Variants in AKAP9 observed in about 807,000 individuals in gnomAD.
The protein encoded by AKAP9 is A-kinase anchoring protein 9.
In AKAP9, 311 loss-of-function variants were observed where a neutral mutation model predicts 488.5. The ratio of observed to expected loss-of-function variants is 0.64; its 90% confidence interval spans 0.58 to 0.70. The LOEUF is 0.70. Among genes scored for constraint, AKAP9 ranks in the 30% least tolerant of loss-of-function variants. AKAP9 has a pLI of 0.00. For missense variants in AKAP9, 4,215 were observed against 4,374.5 expected, an observed-to-expected ratio of 0.96 and a Z score of 1.03; for synonymous variants, 1,462 against 1,483.5, an observed-to-expected ratio of 0.99 and a Z score of 0.33.
chr7:92,035,562 T>G (rs1311098165), intron 16 of AKAP9, among the ~76,000 whole-genome samples: 1 of 152,240 alleles, frequency 6.6e-6, no homozygotes, highest in African/African-American at 2.4e-5. Flanking sequence ...AATTGTATAT[T>G]AAATGTTTTG....
At position 92,097,104 on chromosome 7, in the gene AKAP9, A is replaced by C. The variant is rs147033628; in HGVS notation, c.10145A>C (p.Lys3382Thr). 24 of 1,614,140 alleles carry C rather than the reference A, an allele frequency of 1.5e-5. No homozygotes were observed. In the African/African-American group the frequency reaches 3.1e-4, roughly 21 times the overall value. The change falls in exon 41 of 50, where the codon AAA (lysine) becomes ACA (threonine). Residue 3382 changes from lysine (K) to threonine (T), a missense_variant. Transcript: ENST00000356239. ...TTGCAAACACGACAGCAAATGGAAAAAGATAGGCAGGTTCACAGGAAAACA... is the reference window on the plus strand; with the variant it reads ...TTGCAAACACGACAGCAAATGGAAACAGATAGGCAGGTTCACAGGAAAACA... ...DSLQTRQQMEKDRQVHRKTLQ... is the reference protein window; with the variant it reads ...DSLQTRQQMETDRQVHRKTLQ...
intron 2 of AKAP9, among the ~76,000 whole-genome samples, chr7:91,978,932 ATTT>A (rs34097770): frequency 5.0e-4 from 45 of 90,348 alleles, no homozygotes; most frequent in Middle Eastern, 0.014. Context: ...TAGTTTTTGT[ATTT>A]TTTTTTTTTT....
At chr7:92,071,130 C>T in intron 28 of AKAP9, 121 bp downstream of exon 28, 1 of 878,794 alleles carries the variant, frequency 1.1e-6, no homozygotes, top group East Asian at 2.6e-5. Flanking sequence ...GGCTGTTTCT[C>T]AGCTCAATGC....
intron 8 of AKAP9, among the ~76,000 whole-genome samples, chr7:92,008,015 C>T (rs1800151881): frequency 6.6e-6 from 1 of 152,050 alleles, no homozygotes; most frequent in Non-Finnish European, 1.5e-5. Flanking sequence ...ACAAAATAAG[C>T]AAAGTTAGAA....
chr7:92,049,276 A>C (rs564192288), intron 21 of AKAP9, among the ~76,000 whole-genome samples: 19 of 152,106 alleles, frequency 1.2e-4, no homozygotes, highest in Non-Finnish European at 1.2e-4. Context: ...CTGCTAATCT[A>C]TATTATCCTC....
chr7:92,061,971 T>C (rs13438166), intron 23 of AKAP9, among the ~76,000 whole-genome samples: 3,523 of 152,248 alleles, frequency 0.023, 155 homozygotes, highest in African/African-American at 0.081. Flanking sequence ...ACTTACTGTT[T>C]ATATCTGTTT....
Position 92,097,586 on chromosome 7 carries a change from C to A in AKAP9, c.10399C>A (p.Pro3467Thr), listed in dbSNP as rs1283179685. The A allele has an allele frequency of 4.3e-6, 7 of 1,612,944 alleles. No homozygotes were observed. The highest frequency in any genetic ancestry group is 5.9e-6 in the Non-Finnish European group (7 of 1,179,940). The change falls in exon 42 of 50, where the codon CCA becomes ACA. Residue 3467 changes from proline to threonine, a missense_variant and splice_region_variant. This residue lies in a region of AKAP9 where 1,476 missense variants were observed against 1,477.4 expected (regional missense o/e 1.00). Transcript: ENST00000356239. ...TTCTTATTCTGTCCAAAATTGCCAG[C>A]CAACCACGTGGAGCTTAACCAGTGA... ...RRILYQNLNE[P>T]TTWSLTSDRT...
At chr7:92,065,910 A>C (rs75959486) in intron 25 of AKAP9, among the ~76,000 whole-genome samples, 107 of 152,282 alleles carry the variant, frequency 7.0e-4, no homozygotes, top group African/African-American at 2.5e-3. Context: ...AAAGATGTTA[A>C]ATCTCTAATT....
chr7:91,969,001 A>G (rs1020930567), intron 1 of AKAP9, among the ~76,000 whole-genome samples: 1 of 151,924 alleles, frequency 6.6e-6, no homozygotes, highest in African/African-American at 2.4e-5. Flanking sequence ...CCTCTCAAGT[A>G]GCTGGCACCA....
chr7:92,004,645 T>A (rs989968034), intron 8 of AKAP9, among the ~76,000 whole-genome samples: 2 of 152,204 alleles, frequency 1.3e-5, no homozygotes, highest in African/African-American at 4.8e-5. Context: ...TAAGAATGCT[T>A]GTGATTTTTG....
rs878854812 is a variant in AKAP9, at chr7:92,093,181, C to T, written c.9443C>T (p.Thr3148Met). ...CTCAGCAGTATGAAAGACAGAGCAA[C>T]GGAACTGCAGGAGCAGCTGAGTTCT... is the stretch of plus-strand genomic sequence containing the variant. Reference protein sequence around the residue: ...VELSSMKDRATELQEQLSSEK... With the variant: ...VELSSMKDRAMELQEQLSSEK... The change falls in exon 39 of 50, where the codon ACG becomes ATG. Residue 3148 changes from threonine (T) to methionine (M), a missense_variant. Thr to Met is a moderately conservative substitution (Grantham distance 81). Transcript: ENST00000356239. 7.4e-6 allele frequency: 12 copies of T among 1,614,002 alleles called. No individual in the cohort carries two copies. The highest frequency in any genetic ancestry group is 6.7e-5 in the East Asian group (3 of 44,900).
At chr7:92,000,781 G>A (rs1799055388) in intron 7 of AKAP9, 67 bp from the exon 8 acceptor site, 1 of 810,388 alleles carries the variant, frequency 1.2e-6, no homozygotes, top group East Asian at 2.8e-5. Flanking sequence ...TTGGTAATGA[G>A]ATGAAGCAGT....
intron 27 of AKAP9, 45 bp downstream of exon 27, chr7:92,070,251 G>A: frequency 6.3e-7 from 1 of 1,578,400 alleles, no homozygotes; most frequent in Middle Eastern, 1.7e-4. Context: ...TTTTAATGAA[G>A]AATACTCTTA....
At position 91,940,878 on chromosome 7, in the gene AKAP9, G is replaced by A. The variant is rs1365624669; in HGVS notation, c.-222G>A. ...CCTCGCCGTGTGTTTACGTGGAGAC[G>A]AAGATGGCGGCGGCGGCGGCGGTGA... is the stretch of plus-strand genomic sequence containing the variant. On this transcript the variant is annotated 5_prime_UTR_variant, in exon 1 of 50. Coordinates refer to ENST00000356239, the MANE Select transcript of AKAP9 (RefSeq NM_005751.5). The A allele has an allele frequency of 6.7e-6, 4 of 597,292 alleles. No individual in the cohort carries two copies. Among genetic ancestry groups the A allele is most frequent in the Admixed American group, 2.9e-5 (1 of 34,826 alleles). The allele number at this position is 597,292 out of a possible 1,614,324, so 37.0% of individuals were successfully genotyped here.
chr7:92,045,217 C>T lies in AKAP9; in HGVS notation c.5368+4C>T, dbSNP rs759286117. On this transcript the variant is annotated splice_donor_region_variant and intron_variant, in intron 21 of 49. Transcript: ENST00000356239. ...GTCCATGAGGAACATACAAGAGGTA[C>T]TAGTTTTCTGTGTTGTGGAAACAAT... 35 of 1,612,674 alleles carry T rather than the reference C, an allele frequency of 2.2e-5. No homozygotes were observed. Among genetic ancestry groups the T allele is most frequent in the Non-Finnish European group, 2.6e-5 (31 of 1,178,956 alleles).
chr7:92,093,410 G>T, intron 39 of AKAP9, 94 bp downstream of exon 39: 1 of 1,094,378 alleles, frequency 9.1e-7, no homozygotes, highest in South Asian at 1.3e-5. Flanking sequence ...TAACATGCAT[G>T]ATATTTAAAT....
rs1801483938 is a variant in AKAP9 at position 92,016,152 on chromosome 7, A to G, written c.3636A>G (p.Glu1212=). The change falls in exon 11 of 50, where the codon GAA becomes GAG. Residue 1212 remains glutamate, a synonymous_variant. Transcript: ENST00000356239. ...FLQTLCSVLG[E]YYTPALKCEV... Reference sequence around the variant, plus strand: ...AGACTTTATGCAGTGTCCTTGGTGAATATTATACTCCTGCTTTAAAATGTG... The same window carrying G: ...AGACTTTATGCAGTGTCCTTGGTGAGTATTATACTCCTGCTTTAAAATGTG... 1 of 1,604,344 alleles carries G rather than the reference A, an allele frequency of 6.2e-7. No homozygotes were observed. Among genetic ancestry groups the G allele is most frequent in the African/African-American group, 1.3e-5 (1 of 74,714 alleles).
Position 92,093,206 on chromosome 7 carries a change from T to G in AKAP9, c.9468T>G (p.Ser3156=), listed in dbSNP as rs759583976. Reference sequence around the variant, plus strand: ...CGGAACTGCAGGAGCAGCTGAGTTCTGAGAAAATGGTGGTTGCTGAACTGA... The same window carrying G: ...CGGAACTGCAGGAGCAGCTGAGTTCGGAGAAAATGGTGGTTGCTGAACTGA... The part of the protein sequence containing the change: ...RATELQEQLS[S]EKMVVAELKS... The change falls in exon 39 of 50, where the codon TCT becomes TCG. Residue 3156 remains serine, a synonymous_variant. Coordinates refer to ENST00000356239, the MANE Select transcript of AKAP9 (RefSeq NM_005751.5). 23 of 1,613,948 alleles carry G rather than the reference T, an allele frequency of 1.4e-5. No individual in the cohort carries two copies. Among genetic ancestry groups the G allele is most frequent in the Non-Finnish European group, 1.8e-5 (21 of 1,179,940 alleles).
At chr7:91,949,626 C>T (rs988481377) in intron 1 of AKAP9, among the ~76,000 whole-genome samples, 1 of 152,156 alleles carries the variant, frequency 6.6e-6, no homozygotes, top group Non-Finnish European at 1.5e-5. Flanking sequence ...TCTTAGTCAT[C>T]ACCAAACTGT....
Sources: allele counts gnomAD v4.1 joint callset (sites outside exome capture counted in the v4.1 genomes callset), GRCh38; gene constraint gnomAD v4.1.1; regional missense constraint gnomAD v4.1.1; transcripts MANE v1.5; gene names NCBI Gene and HGNC (gene_info 2026-07-23, HGNC 2026-07-21).